TAFA1: variants seen among roughly 807,000 people sequenced by gnomAD.
TAFA1 encodes the protein TAFA chemokine like family member 1.
TAFA1 carries 4 observed loss-of-function variants against 18.5 expected under a neutral mutation model. The ratio of observed to expected loss-of-function variants is 0.22; its 90% CI spans 0.11 to 0.49. TAFA1 has a LOEUF of 0.49. TAFA1 is among the 20% of genes least tolerant of loss of function. TAFA1 has a pLI of 0.98. For missense variants in TAFA1, 147 were observed against 169.0 expected (o/e 0.87, Z 0.72); for synonymous variants, 56 against 55.2 (o/e 1.01, Z -0.06).
At chr3:68,126,767 T>C (rs1042728004) in intron 2 of TAFA1, among the ~76,000 whole-genome samples, 3 of 152,194 alleles carry the variant, frequency 2.0e-5, no homozygotes, top group East Asian at 1.9e-4. Context: ...GGACATTCAA[T>C]TGGCCACACA....
chr3:68,415,552 C>G (rs141537233), intron 2 of TAFA1, among the ~76,000 whole-genome samples: 1 of 152,126 alleles, frequency 6.6e-6, no homozygotes, highest in East Asian at 1.9e-4. Flanking sequence ...TTTTCAATCC[C>G]TCTAAGACAG....
intron 3 of TAFA1, among the ~76,000 whole-genome samples, chr3:68,441,217 G>A (rs1302226410): frequency 6.6e-6 from 1 of 152,116 alleles, no homozygotes; most frequent in Non-Finnish European, 1.5e-5. Context: ...TTTTGAGTGA[G>A]GTCCAGAACA....
chr3:68,223,195 TA>T (rs2066753878), intron 2 of TAFA1, among the ~76,000 whole-genome samples: 1 of 152,226 alleles, frequency 6.6e-6, no homozygotes, highest in Non-Finnish European at 1.5e-5. Flanking sequence ...ATTAAATGAT[TA>T]TTTAGACACT....
At chr3:68,454,029 T>C (rs2071612959) in intron 3 of TAFA1, among the ~76,000 whole-genome samples, 1 of 152,172 alleles carries the variant, frequency 6.6e-6, no homozygotes, top group Non-Finnish European at 1.5e-5. Context: ...TTAACAGATG[T>C]TCTGTACCAA....
Position 68,538,877 on chromosome 3 carries a change from G to A in TAFA1, c.381G>A (p.Thr127=), listed in dbSNP as rs899055771. Residue 127 remains threonine (T), a synonymous_variant, in exon 4 of 5, where the codon ACG becomes ACA. Transcript: ENST00000478136. ...CAACAGGCAACAAAATTAAGACCAC[G>A]AGAGTAAGTGCACTTATTTCAAATG... ...MCATGNKIKT[T]RIHPRT is the part of the protein sequence containing the mutation. The A allele has an allele frequency of 2.0e-5, 33 of 1,613,238 alleles. 1 individual carries two copies. The highest frequency in any genetic ancestry group is 1.6e-4 in the Middle Eastern group (1 of 6,078).
Position 68,294,166 on chromosome 3 carries a change from A to G in TAFA1, c.119-123114A>G, listed in dbSNP as rs139238534. 1.2e-3 allele frequency among the ~76,000 whole-genome samples: 184 copies of G among 152,300 alleles called. 2 individuals are homozygous for G. The highest frequency in any genetic ancestry group is 4.2e-3 in the African/African-American group (175 of 41,560). On this transcript the variant is annotated intron_variant, in intron 2 of 4. Transcript: ENST00000478136. ...ACAATAATTCAAAATTTAATTTTCTATGCACAATTCTTCCATTGGTCAAGG... is the reference window on the plus strand; with the variant it reads ...ACAATAATTCAAAATTTAATTTTCTGTGCACAATTCTTCCATTGGTCAAGG...
In TAFA1 at chr3:68,477,894, G is replaced by C. The variant is rs188129736; in HGVS notation, c.259+60474G>C. On this transcript the variant is annotated intron_variant, in intron 3 of 4. Coordinates refer to ENST00000478136, the MANE Select transcript of TAFA1 (RefSeq NM_213609.4). ...GTAACTCATTGTCATTTTAACTTGA[G>C]TTTTAGAATTTGAGTTTAGAATGAG... Among the ~76,000 whole-genome samples, 259 of 152,268 alleles carry C rather than the reference G, an allele frequency of 1.7e-3. 1 individual carries two copies. Among genetic ancestry groups the C allele is most frequent in the Non-Finnish European group, 3.2e-3 (216 of 68,030 alleles).
chr3:68,052,737 C>G (rs986769327), intron 2 of TAFA1, among the ~76,000 whole-genome samples: 2 of 152,170 alleles, frequency 1.3e-5, no homozygotes, highest in African/African-American at 4.8e-5. Context: ...ACAACATCCT[C>G]TATCTGACTC....
At chr3:68,351,056 A>G (rs2069255825) in intron 2 of TAFA1, among the ~76,000 whole-genome samples, 1 of 152,124 alleles carries the variant, frequency 6.6e-6, no homozygotes, top group Non-Finnish European at 1.5e-5. Context: ...GCTCATTGGC[A>G]TCATACAGGG....
intron 3 of TAFA1, among the ~76,000 whole-genome samples, chr3:68,422,424 A>T (rs1429647378): frequency 6.6e-6 from 1 of 152,076 alleles, no homozygotes; most frequent in Admixed American, 6.6e-5. Flanking sequence ...TTATGCAGTG[A>T]ATTTCCCATG....
In TAFA1 at chr3:68,499,443, TTTC is replaced by T. The variant is rs1446143183; in HGVS notation, c.260-39310_260-39308del. On this transcript the variant is annotated intron_variant, in intron 3 of 4. Coordinates refer to ENST00000478136, the MANE Select transcript of TAFA1 (RefSeq NM_213609.4). ...TTTGTTTTCTTTCTTTCTGTGTTCCTTTCTTTTTTTTTTTTTTTTTTGAGAAGA... is the reference window on the plus strand; with the variant it reads ...TTTGTTTTCTTTCTTTCTGTGTTCCTTTTTTTTTTTTTTTTTTTGAGAAGA... Among the ~76,000 whole-genome samples the T allele has an allele frequency of 3.0e-3, 168 of 56,938 alleles. 1 individual carries two copies. Among genetic ancestry groups the T allele is most frequent in the African/African-American group, 9.2e-3 (115 of 12,458 alleles). The allele number at this position is 56,938 out of a possible 152,430, so 37.4% of individuals were successfully genotyped here.
intron 2 of TAFA1, among the ~76,000 whole-genome samples, chr3:68,024,393 A>G (rs1333878933): frequency 6.6e-6 from 1 of 152,144 alleles, no homozygotes; most frequent in East Asian, 1.9e-4. Flanking sequence ...CGAGTATGGC[A>G]ATATTTTTCC....
intron 2 of TAFA1, among the ~76,000 whole-genome samples, chr3:68,322,933 ACT>A (rs1021796457): frequency 1.3e-5 from 2 of 152,078 alleles, no homozygotes; most frequent in African/African-American, 4.8e-5. Context: ...ACAGAGCAAG[ACT>A]CTGTCTCAAA....
chr3:68,474,710 A>G (rs2072058895), intron 3 of TAFA1, among the ~76,000 whole-genome samples: 2 of 152,358 alleles, frequency 1.3e-5, no homozygotes, highest in Middle Eastern at 3.4e-3. Flanking sequence ...CTTCTCATGG[A>G]AAGCAAATTC....
chr3:68,222,945 C>G (rs1424175979), intron 2 of TAFA1, among the ~76,000 whole-genome samples: 1 of 152,100 alleles, frequency 6.6e-6, no homozygotes, highest in Non-Finnish European at 1.5e-5. Flanking sequence ...AGTGCTAGTG[C>G]TGGGATTATA....
chr3:68,071,499 G>A (rs2064754689), intron 2 of TAFA1, among the ~76,000 whole-genome samples: 1 of 152,150 alleles, frequency 6.6e-6, no homozygotes, highest in African/African-American at 2.4e-5. Flanking sequence ...TGGGGTGATG[G>A]AGGGAAATCA....
At chr3:68,444,771 A>AATATATATATATATAT (rs55684696) in intron 3 of TAFA1, among the ~76,000 whole-genome samples, 106 of 127,212 alleles carry the variant, frequency 8.3e-4, no homozygotes, top group Middle Eastern at 4.0e-3. Flanking sequence ...GTTTCTACAA[A>AATATATATATATATAT]ATATATATAT....
chr3:68,379,091 C>A (rs1311099811), intron 2 of TAFA1, among the ~76,000 whole-genome samples: 1 of 152,156 alleles, frequency 6.6e-6, no homozygotes, highest in Non-Finnish European at 1.5e-5. Flanking sequence ...ACCACATTGT[C>A]TTCCACCATG....
chr3:68,519,995 G>T (rs1193729920), intron 3 of TAFA1, among the ~76,000 whole-genome samples: 1 of 152,220 alleles, frequency 6.6e-6, no homozygotes, highest in Non-Finnish European at 1.5e-5. Context: ...AGTAATTTGG[G>T]TGTATTCCTT....
Sources: allele counts gnomAD v4.1 joint callset (sites outside exome capture counted in the v4.1 genomes callset), GRCh38; gene constraint gnomAD v4.1.1; transcripts MANE v1.5; gene names NCBI Gene and HGNC (gene_info 2026-07-23, HGNC 2026-07-21).